Variants in SMAGP observed in about 807,000 individuals in gnomAD.
The protein encoded by SMAGP is small cell adhesion glycoprotein, also known as small cell transmembrane and glycosylated protein.
In SMAGP, 7 loss-of-function variants were observed where a neutral mutation model predicts 10.1. That is an observed-to-expected ratio of 0.70 (90% CI 0.40 to 1.31). The LOEUF is 1.31. Among genes scored for constraint, SMAGP ranks in the 50% most tolerant of loss-of-function variants. SMAGP has a pLI of 0.01. For synonymous variants in SMAGP, 49 were observed against 47.2 expected, an observed-to-expected ratio of 1.04 and a Z score of -0.16; for missense variants, 113 against 116.5, an observed-to-expected ratio of 0.97 and a Z score of 0.14.
intron 2 of SMAGP, among the ~76,000 whole-genome samples, chr12:51,252,848 A>C (rs1441622522): frequency 6.6e-6 from 1 of 151,912 alleles, no homozygotes; most frequent in Non-Finnish European, 1.5e-5. Flanking sequence ...TTTTTGCACT[A>C]AGGAGCAGTG....
chr12:51,259,997 G>A (rs1051925152), intron 2 of SMAGP, among the ~76,000 whole-genome samples: 1 of 152,092 alleles, frequency 6.6e-6, no homozygotes, highest in African/African-American at 2.4e-5. Flanking sequence ...TTACAGGTGT[G>A]TGCCTGAATT....
chr12:51,267,823 C>T (rs1034070143), intron 2 of SMAGP, among the ~76,000 whole-genome samples: 2 of 152,128 alleles, frequency 1.3e-5, no homozygotes, highest in African/African-American at 4.8e-5. Context: ...CACCAGACAA[C>T]TAAAAGTCTG....
chr12:51,263,893 A>C (rs1051251715), intron 2 of SMAGP, among the ~76,000 whole-genome samples: 21 of 152,128 alleles, frequency 1.4e-4, no homozygotes, highest in Admixed American at 9.8e-4. Context: ...ATTTTAGGTC[A>C]AAGAAATATT....
At chr12:51,268,295 G>A (rs1487352158) in intron 2 of SMAGP, among the ~76,000 whole-genome samples, 1 of 151,918 alleles carries the variant, frequency 6.6e-6, no homozygotes, top group Non-Finnish European at 1.5e-5. Context: ...ACTCTTCTAG[G>A]TGTTTTATAT....
chr12:51,265,343 TG>T (rs1157359897), intron 2 of SMAGP, among the ~76,000 whole-genome samples: 1 of 151,114 alleles, frequency 6.6e-6, no homozygotes, highest in African/African-American at 2.4e-5. Context: ...AATTACCACA[TG>T]ATATAGCAAT....
chr12:51,269,230 A>G lies in SMAGP; in HGVS notation c.34+15T>C. 6.2e-7 allele frequency: 1 copy of G among 1,613,690 alleles called. No individual in the cohort carries two copies. Among genetic ancestry groups the G allele is most frequent in the South Asian group, 1.1e-5 (1 of 91,074 alleles). Reference sequence around the variant, plus strand: ...CAATTCTTTCTCACTGGGATTAGGAAAGGCCTTCACCTACCTCTTGGAGAA... The same window carrying G: ...CAATTCTTTCTCACTGGGATTAGGAGAGGCCTTCACCTACCTCTTGGAGAA... On this transcript the variant is annotated intron_variant, in intron 2 of 3. Coordinates refer to ENST00000603798, the MANE Select transcript of SMAGP (RefSeq NM_001031628.2).
At chr12:51,246,604 CTGTGTGTGTGTG>C (rs59561227) in intron 3 of SMAGP, 135 bp downstream of exon 3, 41 of 338,216 alleles carry the variant, frequency 1.2e-4, no homozygotes, top group South Asian at 3.2e-4. Flanking sequence ...TCTTTTATGG[CTGTGTGTGTGTG>C]TGTGTGTGTG....
At chr12:51,259,478 A>T (rs906172207) in intron 2 of SMAGP, among the ~76,000 whole-genome samples, 1 of 152,174 alleles carries the variant, frequency 6.6e-6, no homozygotes, top group Non-Finnish European at 1.5e-5. Context: ...ACACAGACAC[A>T]TTTCAAATGA....
intron 2 of SMAGP, among the ~76,000 whole-genome samples, chr12:51,247,608 G>A (rs1232486449): frequency 2.0e-5 from 3 of 152,126 alleles, no homozygotes; most frequent in Admixed American, 2.0e-4. Flanking sequence ...AGGAAGTCAG[G>A]AAGCCCTTCC....
At chr12:51,270,149 G>C (rs1945017712) in intron 1 of SMAGP, 107 bp downstream of exon 1, 1 of 152,228 alleles carries the variant, frequency 6.6e-6, no homozygotes, top group Non-Finnish European at 1.5e-5. Context: ...CCAGCGGAGC[G>C]CTGAGCTTCG....
Position 51,269,341 on chromosome 12 carries a change from G to T in SMAGP, c.-38-25C>A, listed in dbSNP as rs1213434662. 4 of 1,596,424 alleles carry T rather than the reference G, an allele frequency of 2.5e-6. No homozygotes were observed. The African/African-American group carries it at 5.4e-5, about 21-fold the overall frequency. ...TCTGTAGGAAGAGGGGCAAAGACAGGAATGTAGCGGGTGGGCCCCTATGGC... is the reference window on the plus strand; with the variant it reads ...TCTGTAGGAAGAGGGGCAAAGACAGTAATGTAGCGGGTGGGCCCCTATGGC... On this transcript the variant is annotated intron_variant, in intron 1 of 3. Coordinates refer to ENST00000603798, the MANE Select transcript of SMAGP (RefSeq NM_001031628.2).
intron 2 of SMAGP, among the ~76,000 whole-genome samples, chr12:51,263,253 G>A (rs1944944535): frequency 6.6e-6 from 1 of 151,712 alleles, no homozygotes; most frequent in African/African-American, 2.4e-5. Context: ...CATAGTGGTG[G>A]GCGCCTATAG....
At position 51,260,918 on chromosome 12, in the gene SMAGP, C is replaced by G. The variant is rs920844955; in HGVS notation, c.34+8327G>C. ...AGCCAGGATGGTCTCGATCTCCTGACTTCGTGATCCACCCGCCTCAGCCTC... is the reference window on the plus strand; with the variant it reads ...AGCCAGGATGGTCTCGATCTCCTGAGTTCGTGATCCACCCGCCTCAGCCTC... On this transcript the variant is annotated intron_variant, in intron 2 of 3. Transcript: ENST00000603798. Among the ~76,000 whole-genome samples, 5 of 151,056 alleles carry G rather than the reference C, an allele frequency of 3.3e-5. No homozygotes were observed. In the Admixed American group the frequency reaches 3.3e-4, roughly 10 times the overall value.
At chr12:51,252,284 C>CG (rs1339819486) in intron 2 of SMAGP, among the ~76,000 whole-genome samples, 1 of 150,288 alleles carries the variant, frequency 6.7e-6, no homozygotes, top group Admixed American at 6.7e-5. Context: ...TTAGTAGAGA[C>CG]GGGGTTTCAC....
chr12:51,256,969 T>G (rs1170186336), intron 2 of SMAGP, among the ~76,000 whole-genome samples: 1 of 152,050 alleles, frequency 6.6e-6, no homozygotes, highest in Non-Finnish European at 1.5e-5. Flanking sequence ...AAACGACCTT[T>G]ACAAGAGAAG....
In SMAGP at chr12:51,265,983, A is replaced by G. The variant is rs545924826; in HGVS notation, c.34+3262T>C. On this transcript the variant is annotated intron_variant, in intron 2 of 3. Transcript: ENST00000603798. Reference sequence around the variant, plus strand: ...TGTAGTCCCAGCTACTCGGGAAGCTAAGACAGGAGAATGGCGTGAACCCAT... The same window carrying G: ...TGTAGTCCCAGCTACTCGGGAAGCTGAGACAGGAGAATGGCGTGAACCCAT... Among the ~76,000 whole-genome samples the G allele has an allele frequency of 4.6e-3, 699 of 152,162 alleles. 8 individuals carry two copies. The highest frequency in any genetic ancestry group is 0.015 in the African/African-American group (632 of 41,506).
rs1321253054 is a variant in SMAGP, at chr12:51,245,955, CCT to C, written c.278_279del (p.Glu93GlyfsTer20). The C allele has an allele frequency of 1.9e-6, 3 of 1,613,154 alleles. No homozygotes were observed. Among genetic ancestry groups the C allele is most frequent in the Admixed American group, 1.7e-5 (1 of 59,940 alleles). On this transcript the variant is annotated frameshift_variant, in exon 4 of 4. Coordinates refer to ENST00000603798, the MANE Select transcript of SMAGP (RefSeq NM_001031628.2). LOFTEE classifies it high-confidence loss of function. ...CCTGGGAGTCATTAGATGAAATATT[CCT>C]CTTTCTCGCTGCCCTTGGCCAAGTC... ...ESDLAKGSEK[E>X]EYFI
chr12:51,246,003 C>G lies in SMAGP; in HGVS notation c.232G>C (p.Ala78Pro). ...TYEPTEGEPS[A>P]IVQMESDLAK... is the part of the protein sequence containing the mutation. ...AAGTCACTCTCCATCTGGACGATGG[C>G]ACTGGGCTCACCTTCTGTAGGTTCA... The change falls in exon 4 of 4, where the codon GCC becomes CCC. Residue 78 changes from alanine to proline, a missense_variant. Transcript: ENST00000603798. The G allele has an allele frequency of 2.5e-6, 4 of 1,613,936 alleles. No homozygotes were observed. The highest frequency in any genetic ancestry group is 3.4e-6 in the Non-Finnish European group (4 of 1,179,846).
chr12:51,249,015 G>A (rs1944811634), intron 2 of SMAGP, among the ~76,000 whole-genome samples: 1 of 151,828 alleles, frequency 6.6e-6, no homozygotes, highest in African/African-American at 2.4e-5. Flanking sequence ...AGGAGGTGGA[G>A]GTCGCAGTGA....
Sources: gnomAD v4.1 joint callset for allele counts (sites outside exome capture counted in the v4.1 genomes callset) on GRCh38, gnomAD v4.1.1 for gene constraint, MANE v1.5 for transcripts, NCBI Gene and HGNC (gene_info 2026-07-23, HGNC 2026-07-21) for gene names.